Variants in FBXO28 observed in about 807,000 individuals in gnomAD.
FBXO28 encodes F-box only protein 28.
A neutral mutation model predicts 38.1 loss-of-function variants in FBXO28; 8 were observed. The ratio of observed to expected loss-of-function variants is 0.21; its 90% CI spans 0.12 to 0.38. The LOEUF (loss-of-function observed/expected upper bound fraction) is 0.38, where lower values mean the gene tolerates loss of function less well. FBXO28 is among the 10% of genes least tolerant of loss of function. The pLI, the probability that FBXO28 is intolerant of heterozygous loss-of-function variation, is 1.00. For missense variants in FBXO28, 345 were observed against 460.6 expected (o/e 0.75, Z 2.30); for synonymous variants, 168 against 173.8 (o/e 0.97, Z 0.26).
chr1:224,158,084 G>C lies in FBXO28; in HGVS notation c.*338G>C. The C allele has an allele frequency of 9.8e-7, 1 of 1,018,758 alleles. No homozygotes were observed. Among genetic ancestry groups the C allele is most frequent in the Non-Finnish European group, 1.2e-6 (1 of 852,270 alleles). 63.1% of individuals were successfully genotyped at this position (1,018,758 alleles called of 1,614,324 possible). A position where few individuals can be genotyped will look rare whatever the true frequency, so the allele number is the denominator to read the frequency against. Reference sequence around the variant, plus strand: ...ACGTAAGGATCTTAAACCCAGTCTTGACAGACTAGAAGTTAAGTTTAATAC... The same window carrying C: ...ACGTAAGGATCTTAAACCCAGTCTTCACAGACTAGAAGTTAAGTTTAATAC... On this transcript the variant is annotated 3_prime_UTR_variant, in exon 5 of 5. Transcript: ENST00000366862.
rs1482446855 is a variant in FBXO28 at position 224,125,164 on chromosome 1, A to G, written c.268-5308A>G. On this transcript the variant is annotated intron_variant, in intron 1 of 4. Coordinates refer to ENST00000366862, the MANE Select transcript of FBXO28 (RefSeq NM_015176.4). ...GGTCTTGCTATGTTGCCCAGGCTGG[A>G]GTAGTGCAGGTGTGATCATCATACA... 2.0e-5 allele frequency among the ~76,000 whole-genome samples: 3 copies of G among 149,548 alleles called. No individual in the cohort carries two copies. The East Asian group carries it at 5.9e-4, about 29-fold the overall frequency.
chr1:224,124,792 T>C (rs895337433), intron 1 of FBXO28, among the ~76,000 whole-genome samples: 2 of 152,110 alleles, frequency 1.3e-5, no homozygotes, highest in Admixed American at 1.3e-4. Flanking sequence ...TGCAGTGGCG[T>C]GATCTTGGCT....
intron 1 of FBXO28, among the ~76,000 whole-genome samples, chr1:224,127,167 T>C (rs932678030): frequency 2.9e-4 from 13 of 44,234 alleles, no homozygotes; most frequent in African/African-American, 8.2e-4. Flanking sequence ...AAAGTATTTG[T>C]GTGTGTGTGT....
intron 3 of FBXO28, among the ~76,000 whole-genome samples, chr1:224,147,948 T>C (rs190805258): frequency 1.6e-4 from 24 of 152,176 alleles, no homozygotes; most frequent in Non-Finnish European, 8.8e-5. Context: ...AAACTCTGAA[T>C]GGTAGAAGCA....
At chr1:224,125,846 C>G (rs1476380782) in intron 1 of FBXO28, among the ~76,000 whole-genome samples, 2 of 152,126 alleles carry the variant, frequency 1.3e-5, no homozygotes, top group Non-Finnish European at 2.9e-5. Flanking sequence ...CCAGGCTGGT[C>G]TCAAACTCCT....
At position 224,128,823 on chromosome 1, in the gene FBXO28, A is replaced by G. The variant is rs551826128; in HGVS notation, c.268-1649A>G. On this transcript the variant is annotated intron_variant, in intron 1 of 4. Coordinates refer to ENST00000366862, the MANE Select transcript of FBXO28 (RefSeq NM_015176.4). ...CAACATAGACCCCCATCTCTACAAA[A>G]TTTTTTTTAAAAATTAGCTGCGCGG... Among the ~76,000 whole-genome samples the G allele has an allele frequency of 2.0e-5, 3 of 151,730 alleles. No individual in the cohort carries two copies. The South Asian group carries it at 6.2e-4, about 32-fold the overall frequency.
chr1:224,156,638 A>G (rs1657779598), intron 4 of FBXO28, among the ~76,000 whole-genome samples: 1 of 152,208 alleles, frequency 6.6e-6, no homozygotes, highest in Admixed American at 6.5e-5. Flanking sequence ...TGGATTAGAA[A>G]CGTGCAACCT....
chr1:224,127,164 T>TTGTGTGTGTG (rs564171368), intron 1 of FBXO28, among the ~76,000 whole-genome samples: 190 of 88,542 alleles, frequency 2.1e-3, no homozygotes, highest in Non-Finnish European at 2.8e-3. Context: ...TGTAAAGTAT[T>TTGTGTGTGTG]TGTGTGTGTG....
At chr1:224,150,699 C>G (rs1311520486) in intron 3 of FBXO28, among the ~76,000 whole-genome samples, 1 of 152,134 alleles carries the variant, frequency 6.6e-6, no homozygotes, top group African/African-American at 2.4e-5. Context: ...CTTTTCTCCC[C>G]ATATCTTCAA....
intron 3 of FBXO28, among the ~76,000 whole-genome samples, chr1:224,141,666 C>T (rs907997065): frequency 3.7e-5 from 4 of 108,650 alleles, no homozygotes; most frequent in Admixed American, 8.6e-5. Flanking sequence ...AGCATGTTAC[C>T]GTACTGACTA....
At chr1:224,143,324 G>A (rs1323860007) in intron 3 of FBXO28, among the ~76,000 whole-genome samples, 1 of 152,112 alleles carries the variant, frequency 6.6e-6, no homozygotes, top group Non-Finnish European at 1.5e-5. Flanking sequence ...GTTTTCTCTG[G>A]GCACTCTGAC....
Position 224,146,051 on chromosome 1 carries a change from A to G in FBXO28, c.517-7091A>G, listed in dbSNP as rs370304931. On this transcript the variant is annotated intron_variant, in intron 3 of 4. Transcript: ENST00000366862. ...ATTGCCCTCCAGCCTGGGCAACAAT[A>G]GCGAAACTCCTTCTCAAAAAAAAAA... Among the ~76,000 whole-genome samples the G allele has an allele frequency of 5.4e-5, 8 of 147,470 alleles. No individual in the cohort carries two copies. In the East Asian group the frequency reaches 1.6e-3, roughly 29 times the overall value.
chr1:224,141,971 C>T (rs776389394), intron 3 of FBXO28, among the ~76,000 whole-genome samples: 5 of 150,976 alleles, frequency 3.3e-5, no homozygotes, highest in Admixed American at 2.0e-4. Flanking sequence ...TCATTGTAGT[C>T]GTGACCTCCT....
rs577171568 is a variant in FBXO28, at chr1:224,141,760, A to C, written c.516+7548A>C. Among the ~76,000 whole-genome samples the C allele has an allele frequency of 2.6e-5, 4 of 152,280 alleles. No individual in the cohort carries two copies. The East Asian group carries it at 7.7e-4, about 29-fold the overall frequency. On this transcript the variant is annotated intron_variant, in intron 3 of 4. Coordinates refer to ENST00000366862, the MANE Select transcript of FBXO28 (RefSeq NM_015176.4). Reference sequence around the variant, plus strand: ...AAAGTAGGGTATAAAAAAATGGTACACCTGTATAGGGCATTTATCATGAAT... The same window carrying C: ...AAAGTAGGGTATAAAAAAATGGTACCCCTGTATAGGGCATTTATCATGAAT...
intron 3 of FBXO28, among the ~76,000 whole-genome samples, chr1:224,149,483 G>A (rs6681511): frequency 0.04 from 6,114 of 152,064 alleles, 373 homozygotes; most frequent in African/African-American, 0.13. Flanking sequence ...GAGCCACCAC[G>A]CCCAGCCAAA....
At chr1:224,141,775 T>G (rs1572018827) in intron 3 of FBXO28, among the ~76,000 whole-genome samples, 1 of 152,184 alleles carries the variant, frequency 6.6e-6, no homozygotes, top group East Asian at 1.9e-4. Flanking sequence ...TATAGGGCAT[T>G]TATCATGAAT....
rs1656938132 is a variant in FBXO28 at position 224,127,668 on chromosome 1, G to A, written c.268-2804G>A. Among the ~76,000 whole-genome samples the A allele has an allele frequency of 3.3e-5, 5 of 152,168 alleles. No homozygotes were observed. The South Asian group carries it at 1.0e-3, about 32-fold the overall frequency. ...TCACCTGTAATCCCTGCACTTTGGG[G>A]GGCCAAGACAGGCAAATCACCTGAG... On this transcript the variant is annotated intron_variant, in intron 1 of 4. Transcript: ENST00000366862.
intron 3 of FBXO28, among the ~76,000 whole-genome samples, chr1:224,149,137 C>T (rs1240979111): frequency 6.6e-6 from 1 of 152,082 alleles, no homozygotes; most frequent in East Asian, 1.9e-4. Context: ...ATTAATAAGG[C>T]TGTGGGTATT....
At chr1:224,156,746 T>C (rs1360112841) in intron 4 of FBXO28, among the ~76,000 whole-genome samples, 1 of 152,324 alleles carries the variant, frequency 6.6e-6, no homozygotes, top group East Asian at 1.9e-4. Context: ...ACGCCTGTAA[T>C]CCCAGCACTT....
Sources: gnomAD v4.1 joint callset for allele counts (sites outside exome capture counted in the v4.1 genomes callset) on GRCh38, gnomAD v4.1.1 for gene constraint, MANE v1.5 for transcripts, NCBI Gene and HGNC (gene_info 2026-07-23, HGNC 2026-07-21) for gene names.